ZNF184: variants seen among roughly 807,000 people sequenced by gnomAD.
ZNF184 encodes zinc finger protein 184 (Kruppel-like).
Under a neutral mutation model 54.4 loss-of-function variants are expected in ZNF184, and 16 were observed. The observed-to-expected ratio is 0.29, with a 90% confidence interval of 0.20 to 0.45. ZNF184 has a LOEUF of 0.45. ZNF184 is among the 20% of genes least tolerant of loss of function. ZNF184 has a pLI of 1.00. For missense variants in ZNF184, 681 were observed against 888.2 expected, an observed-to-expected ratio of 0.77 and a Z score of 2.97; for synonymous variants, 254 against 295.3, an observed-to-expected ratio of 0.86 and a Z score of 1.43.
At position 27,453,597 on chromosome 6, in the gene ZNF184, G is replaced by T. The variant is rs991705096; in HGVS notation, c.299-337C>A. Among the ~76,000 whole-genome samples, 2 of 152,120 alleles carry T rather than the reference G, an allele frequency of 1.3e-5. No individual in the cohort carries two copies. The highest frequency in any genetic ancestry group is 2.9e-5 in the Non-Finnish European group (2 of 68,034). ...GAATCTGAAGGGGGCAGTTTGAATT[G>T]GGATTCCTTGCTAATAAACAACAAA... On this transcript the variant is annotated intron_variant, in intron 5 of 5. Transcript: ENST00000683788. The surrounding 1 kb of genome is among the most constrained non-coding windows in gnomAD (Gnocchi z 4.7).
chr6:27,418,842 C>A, the ZNF184 span, among the ~76,000 whole-genome samples: 1 of 151,978 alleles, frequency 6.6e-6, no homozygotes, highest in Non-Finnish European at 1.5e-5. Context: ...TACAAAGGTG[C>A]TAAATTTTAA....
chr6:27,424,777 G>A, the ZNF184 span, among the ~76,000 whole-genome samples: 1 of 152,340 alleles, frequency 6.6e-6, no homozygotes, highest in South Asian at 2.1e-4. Context: ...AGTGGACCCC[G>A]CGCTGGGGCT....
At chr6:27,409,517 A>C in the ZNF184 span, among the ~76,000 whole-genome samples, 6 of 150,700 alleles carry the variant, frequency 4.0e-5, no homozygotes, top group East Asian at 1.9e-4. Context: ...AAAAAAAAAA[A>C]AAAACACAAA....
At chr6:27,471,599 C>CA (rs779447468) in intron 2 of ZNF184, among the ~76,000 whole-genome samples, 18 of 152,216 alleles carry the variant, frequency 1.2e-4, no homozygotes, top group African/African-American at 1.2e-4. Flanking sequence ...AAAATGCTGA[C>CA]AAGCAGGAGA....
chr6:27,421,021 A>G, the ZNF184 span, among the ~76,000 whole-genome samples: 1 of 152,248 alleles, frequency 6.6e-6, no homozygotes, highest in Non-Finnish European at 1.5e-5. Context: ...GGTTCTAACT[A>G]TATGACATTC....
the ZNF184 span, among the ~76,000 whole-genome samples, chr6:27,420,372 C>T: frequency 6.9e-4 from 105 of 152,272 alleles, no homozygotes; most frequent in African/African-American, 2.1e-3. Context: ...CAGTTTCTTT[C>T]AACTCCCCCT....
the ZNF184 span, among the ~76,000 whole-genome samples, chr6:27,427,342 C>G: frequency 6.6e-6 from 1 of 152,180 alleles, no homozygotes; most frequent in Non-Finnish European, 1.5e-5. Context: ...TTTCTGAGAA[C>G]TGCACTAACG....
chr6:27,419,256 C>T, the ZNF184 span, among the ~76,000 whole-genome samples: 1 of 152,164 alleles, frequency 6.6e-6, no homozygotes, highest in African/African-American at 2.4e-5. The surrounding 1 kb of genome is among the most constrained non-coding windows in gnomAD (Gnocchi z 4.8). Flanking sequence ...CAGGCCTGCA[C>T]TACCACCTTG....
chr6:27,428,685 G>A, the ZNF184 span, among the ~76,000 whole-genome samples: 1 of 152,208 alleles, frequency 6.6e-6, no homozygotes, highest in Admixed American at 6.5e-5. The surrounding 1 kb of genome is among the most constrained non-coding windows in gnomAD (Gnocchi z 4.1). Flanking sequence ...GGCATGGTCT[G>A]GAAAAAGGCC....
intron 5 of ZNF184, among the ~76,000 whole-genome samples, chr6:27,455,136 C>T (rs979273385): frequency 1.3e-5 from 2 of 152,084 alleles, no homozygotes; most frequent in African/African-American, 4.8e-5. Context: ...ACAAAAGCAG[C>T]CAACTCACCA....
At chr6:27,463,928 A>AC (rs58097887) in intron 3 of ZNF184, among the ~76,000 whole-genome samples, 98,179 of 151,126 alleles carry the variant, frequency 0.65, 32,199 homozygotes, top group Middle Eastern at 0.75. Flanking sequence ...AAAAAAAAAA[A>AC]AAACCAGATG....
the ZNF184 span, among the ~76,000 whole-genome samples, chr6:27,420,248 C>G: frequency 0.58 from 87,965 of 150,596 alleles, 25,489 homozygotes; most frequent in Middle Eastern, 0.74. Flanking sequence ...ATGAATGAAG[C>G]AACCACTACT....
In ZNF184 at chr6:27,452,089, A is replaced by C. The variant is rs1284340911; in HGVS notation, c.1470T>G (p.Thr490=). ...GKAFSYCSSL[T]QHRRIHTREK... is the part of the protein sequence containing the mutation. ...CTCTCGTGTGAATTCTCCGATGTTG[A>C]GTAAGGGATGAGCAGTAACTGAAGG... Residue 490 remains threonine (T), a synonymous_variant, in exon 6 of 6, where the codon ACT becomes ACG. Transcript: ENST00000683788. This position sits in a 1 kb window ranked among gnomAD's most constrained non-coding sequence, Gnocchi z 5.5. 1.9e-6 allele frequency: 3 copies of C among 1,613,858 alleles called. No individual in the cohort carries two copies. In the South Asian group the frequency reaches 3.3e-5, roughly 18 times the overall value.
Position 27,452,418 on chromosome 6 carries a change from G to T in ZNF184, c.1141C>A (p.Gln381Lys), listed in dbSNP as rs767265410. The T allele has an allele frequency of 1.2e-6, 2 of 1,613,844 alleles. No homozygotes were observed. Among genetic ancestry groups the T allele is most frequent in the Non-Finnish European group, 1.7e-6 (2 of 1,179,940 alleles). The stretch of plus-strand genomic sequence containing the variant: ...GTTTTTTCTCCAGTATGAATTTTTT[G>T]ATGTTGAGTAAGGTGTGTGCTCCTG... ...FTRSTHLTQH[Q>K]KIHTGEKTYK... The change falls in exon 6 of 6, where the codon CAA (glutamine) becomes AAA (lysine). Residue 381 changes from glutamine (Q) to lysine (K), a missense_variant. Gln to Lys is a moderately conservative substitution (Grantham distance 53). Coordinates refer to ENST00000683788, the MANE Select transcript of ZNF184 (RefSeq NM_001318891.2). This position sits in a 1 kb window ranked among gnomAD's most constrained non-coding sequence, Gnocchi z 5.5.
At chr6:27,457,248 A>G (rs1762879668) in intron 4 of ZNF184, 35 bp downstream of exon 4, 1 of 1,605,426 alleles carries the variant, frequency 6.2e-7, no homozygotes, top group East Asian at 2.2e-5. Flanking sequence ...CCTCCTGCAC[A>G]CCCCTTGATA....
Position 27,451,461 on chromosome 6 carries a change from A to T in ZNF184, c.2098T>A (p.Cys700Ser), listed in dbSNP as rs1222360374. 1 of 1,614,008 alleles carries T rather than the reference A, an allele frequency of 6.2e-7. No individual in the cohort carries two copies. The highest frequency in any genetic ancestry group is 8.5e-7 in the Non-Finnish European group (1 of 1,180,012). Reference sequence around the variant, plus strand: ...CTAAAAGTCTTTCTGCATTCATTACAGTTATAAGGTTTCTCTCCAGTATGA... The same window carrying T: ...CTAAAAGTCTTTCTGCATTCATTACTGTTATAAGGTTTCTCTCCAGTATGA... ...NTHTGEKPYN[C>S]NECRKTFSQS... Residue 700 changes from cysteine (C) to serine (S), a missense_variant, in exon 6 of 6, where the codon TGT becomes AGT. By Grantham distance (112) the Cys-to-Ser change is moderately radical. Coordinates refer to ENST00000683788, the MANE Select transcript of ZNF184 (RefSeq NM_001318891.2).
Position 27,453,763 on chromosome 6 carries a change from A to G in ZNF184, c.299-503T>C, listed in dbSNP as rs190680351. ...ATGGGAAGAGTTGTAAATAGTAGAGAAATAATTTAGCAGGGAGAAACTAAC... is the reference window on the plus strand; with the variant it reads ...ATGGGAAGAGTTGTAAATAGTAGAGGAATAATTTAGCAGGGAGAAACTAAC... On this transcript the variant is annotated intron_variant, in intron 5 of 5. Coordinates refer to ENST00000683788, the MANE Select transcript of ZNF184 (RefSeq NM_001318891.2). The surrounding 1 kb of genome is among the most constrained non-coding windows in gnomAD (Gnocchi z 4.7). Among the ~76,000 whole-genome samples the G allele has an allele frequency of 1.8e-4, 27 of 152,344 alleles. No homozygotes were observed. Among genetic ancestry groups the G allele is most frequent in the African/African-American group, 6.5e-4 (27 of 41,580 alleles).
At chr6:27,442,802 G>A in the ZNF184 span, among the ~76,000 whole-genome samples, 7 of 90,978 alleles carry the variant, frequency 7.7e-5, no homozygotes, top group African/African-American at 2.2e-4. Flanking sequence ...AAGAAAGAAA[G>A]AGAAAGAAAG....
the ZNF184 span, chr6:27,406,460 C>T: frequency 6.6e-6 from 1 of 152,226 alleles, no homozygotes; most frequent in African/African-American, 2.4e-5. Context: ...GGTCCAGGGA[C>T]CAGTGGATTG....
Sources: gnomAD v4.1 joint callset for allele counts (sites outside exome capture counted in the v4.1 genomes callset) on GRCh38, gnomAD v4.1.1 for gene constraint, Gnocchi (gnomAD v3.1) non-coding constraint, MANE v1.5 for transcripts, NCBI Gene and HGNC (gene_info 2026-07-23, HGNC 2026-07-21) for gene names.